Variants in UBE2E2 observed in about 807,000 individuals in gnomAD.
UBE2E2 encodes ubiquitin-conjugating enzyme E2 E2.
Under a neutral mutation model 24.7 loss-of-function variants are expected in UBE2E2, and 6 were observed. That is an observed-to-expected ratio of 0.24 (90% CI 0.13 to 0.48). The LOEUF (loss-of-function observed/expected upper bound fraction) is 0.48, where lower values mean the gene tolerates loss of function less well. UBE2E2 is among the 20% of genes least tolerant of loss of function. The pLI is 0.99. For synonymous variants in UBE2E2, 104 were observed against 83.6 expected, an observed-to-expected ratio of 1.24 and a Z score of -1.33; for missense variants, 169 against 245.0, an observed-to-expected ratio of 0.69 and a Z score of 2.07.
Position 23,298,456 on chromosome 3 carries a change from C to G in UBE2E2, c.227+81144C>G, listed in dbSNP as rs200961484. Among the ~76,000 whole-genome samples, 99 of 152,190 alleles carry G rather than the reference C, an allele frequency of 6.5e-4. 5 individuals carry two copies. The East Asian group carries it at 0.016, about 24-fold the overall frequency. On this transcript the variant is annotated intron_variant, in intron 3 of 5. Transcript: ENST00000396703. ...AGATAGCTCTTATTATTTTGAGATACGTCCCATCAATACCTAATTTATTGA... is the reference window on the plus strand; with the variant it reads ...AGATAGCTCTTATTATTTTGAGATAGGTCCCATCAATACCTAATTTATTGA...
intron 3 of UBE2E2, among the ~76,000 whole-genome samples, chr3:23,319,435 C>CATTTT (rs1454509537): frequency 2.0e-5 from 3 of 152,056 alleles, no homozygotes; most frequent in Non-Finnish European, 2.9e-5. Flanking sequence ...GTTTTGTTTT[C>CATTTT]ATTTTATAGT....
At chr3:23,571,549 A>C (rs1028761575) in intron 5 of UBE2E2, among the ~76,000 whole-genome samples, 10 of 151,524 alleles carry the variant, frequency 6.6e-5, no homozygotes, top group Non-Finnish European at 1.2e-4. Flanking sequence ...CGGCCTCCCA[A>C]AGTGCTGGGA....
At chr3:23,448,471 AAGTT>A (rs1698482106) in intron 3 of UBE2E2, among the ~76,000 whole-genome samples, 1 of 152,174 alleles carries the variant, frequency 6.6e-6, no homozygotes, top group East Asian at 1.9e-4. Flanking sequence ...ATAGTCTACT[AAGTT>A]AGTATTTTTT....
intron 3 of UBE2E2, among the ~76,000 whole-genome samples, chr3:23,463,348 T>C (rs1372418574): frequency 6.6e-6 from 1 of 152,116 alleles, no homozygotes; most frequent in African/African-American, 2.4e-5. Context: ...AGCTTGGAAT[T>C]AGGAAGAGGA....
chr3:23,519,985 A>T (rs1049731701), intron 4 of UBE2E2, among the ~76,000 whole-genome samples: 7 of 152,104 alleles, frequency 4.6e-5, no homozygotes, highest in African/African-American at 1.7e-4. Context: ...TTCACTTTAC[A>T]TGCTTGATCA....
At chr3:23,434,717 G>A (rs922887100) in intron 3 of UBE2E2, among the ~76,000 whole-genome samples, 36 of 152,132 alleles carry the variant, frequency 2.4e-4, no homozygotes, top group African/African-American at 8.0e-4. Flanking sequence ...AGTTGGATTG[G>A]GGGTGTGTTT....
At chr3:23,530,482 C>A (rs778118344) in intron 4 of UBE2E2, among the ~76,000 whole-genome samples, 1 of 152,102 alleles carries the variant, frequency 6.6e-6, no homozygotes, top group Non-Finnish European at 1.5e-5. Flanking sequence ...TTATCAGTAA[C>A]GTTCTTTGTT....
chr3:23,225,327 T>C (rs1204505306), intron 3 of UBE2E2, among the ~76,000 whole-genome samples: 1 of 152,178 alleles, frequency 6.6e-6, no homozygotes, highest in Non-Finnish European at 1.5e-5. Context: ...TGTTTTTTCT[T>C]TTGTTGTTTG....
At chr3:23,559,844 T>C (rs935508423) in intron 5 of UBE2E2, among the ~76,000 whole-genome samples, 2 of 152,168 alleles carry the variant, frequency 1.3e-5, no homozygotes, top group Admixed American at 6.6e-5. Flanking sequence ...TATTACTGAT[T>C]TTTTAATGAT....
chr3:23,483,006 ACT>A (rs1239661794), intron 3 of UBE2E2, among the ~76,000 whole-genome samples: 2 of 152,164 alleles, frequency 1.3e-5, no homozygotes, highest in Non-Finnish European at 2.9e-5. Context: ...GACTATAATA[ACT>A]CTAATCTGTA....
intron 3 of UBE2E2, among the ~76,000 whole-genome samples, chr3:23,465,606 T>C (rs1229376266): frequency 6.6e-6 from 1 of 152,194 alleles, no homozygotes; most frequent in African/African-American, 2.4e-5. Flanking sequence ...TAAGAAGTAC[T>C]GGAAGAAGCA....
chr3:23,276,493 A>G (rs768420761), intron 3 of UBE2E2, among the ~76,000 whole-genome samples: 1 of 152,166 alleles, frequency 6.6e-6, no homozygotes, highest in African/African-American at 2.4e-5. Flanking sequence ...CAGAAGGGAA[A>G]AAAGCTAGAA....
At chr3:23,326,117 G>T (rs1227111956) in intron 3 of UBE2E2, among the ~76,000 whole-genome samples, 1 of 152,074 alleles carries the variant, frequency 6.6e-6, no homozygotes, top group African/African-American at 2.4e-5. Flanking sequence ...TCTCGCCCAG[G>T]CTGGAGTGCA....
chr3:23,351,075 A>C (rs1053964520), intron 3 of UBE2E2, among the ~76,000 whole-genome samples: 3 of 152,098 alleles, frequency 2.0e-5, no homozygotes, highest in African/African-American at 7.2e-5. Flanking sequence ...GAGTGGGGAC[A>C]AATATTCAAC....
chr3:23,278,126 A>T (rs1698409773), intron 3 of UBE2E2, among the ~76,000 whole-genome samples: 3 of 152,112 alleles, frequency 2.0e-5, no homozygotes, highest in African/African-American at 7.2e-5. Context: ...ACCTTCTGGG[A>T]AAAGAGAATA....
chr3:23,566,233 G>C (rs1575711555), intron 5 of UBE2E2, among the ~76,000 whole-genome samples: 2 of 152,176 alleles, frequency 1.3e-5, no homozygotes, highest in East Asian at 3.8e-4. Context: ...TAAGAACATT[G>C]AAAAATACAA....
At chr3:23,585,482 C>T (rs966202954) in intron 5 of UBE2E2, among the ~76,000 whole-genome samples, 1 of 151,992 alleles carries the variant, frequency 6.6e-6, no homozygotes, top group African/African-American at 2.4e-5. Context: ...GTTAACCACA[C>T]TGTAGATCCT....
intron 5 of UBE2E2, among the ~76,000 whole-genome samples, chr3:23,548,741 T>C (rs923778765): frequency 1.3e-5 from 2 of 152,178 alleles, no homozygotes; most frequent in African/African-American, 2.4e-5. Context: ...CAGTAAAATA[T>C]TTAAAAACAA....
chr3:23,455,013 A>G (rs1473615941), intron 3 of UBE2E2, among the ~76,000 whole-genome samples: 5 of 152,216 alleles, frequency 3.3e-5, no homozygotes, highest in African/African-American at 1.2e-4. Flanking sequence ...TCACTGGATT[A>G]TCATGTCTTC....
Sources: allele counts gnomAD v4.1 joint callset (sites outside exome capture counted in the v4.1 genomes callset), GRCh38; gene constraint gnomAD v4.1.1; transcripts MANE v1.5; gene names NCBI Gene and HGNC (gene_info 2026-07-23, HGNC 2026-07-21).